Variants in SSX2IP observed in about 807,000 individuals in gnomAD.
The protein encoded by SSX2IP is afadin- and alpha-actinin-binding protein.
SSX2IP carries 55 observed loss-of-function variants against 84.9 expected under a neutral mutation model. The observed-to-expected ratio is 0.65, with a 90% CI of 0.52 to 0.81. The LOEUF (loss-of-function observed/expected upper bound fraction) is 0.81, where lower values mean the gene tolerates loss of function less well. SSX2IP is among the 30% of genes least tolerant of loss of function. The probability of loss-of-function intolerance (pLI) is 0.00; values close to 1 mark genes in which losing one functional copy is unlikely to be tolerated. For synonymous variants in SSX2IP, 239 were observed against 234.7 expected (o/e 1.02, Z -0.17); for missense variants, 664 against 705.2 (o/e 0.94, Z 0.66).
Position 84,656,236 on chromosome 1 carries a change from G to C in SSX2IP, c.1215+112C>G, listed in dbSNP as rs1325476568. 9.6e-6 allele frequency: 11 copies of C among 1,145,880 alleles called. No individual in the cohort carries two copies. In the East Asian group the frequency reaches 2.8e-4, roughly 29 times the overall value. The allele number at this position is 1,145,880 out of a possible 1,614,324, so 71.0% of individuals were successfully genotyped here. On this transcript the variant is annotated intron_variant, in intron 10 of 13. Coordinates refer to ENST00000342203, the MANE Select transcript of SSX2IP (RefSeq NM_001166293.2). Reference sequence around the variant, plus strand: ...ATCTGTTAGCAGGGAACACAGACTAGAAATCTGTCAAATACCAGGGCCTTA... The same window carrying C: ...ATCTGTTAGCAGGGAACACAGACTACAAATCTGTCAAATACCAGGGCCTTA...
intron 1 of SSX2IP, among the ~76,000 whole-genome samples, chr1:84,681,211 C>A (rs1655036759): frequency 6.6e-6 from 1 of 152,074 alleles, no homozygotes; most frequent in South Asian, 2.1e-4. Context: ...TACTTCTAGG[C>A]ATATAAGAGA....
intron 1 of SSX2IP, among the ~76,000 whole-genome samples, chr1:84,671,570 C>T (rs1281764630): frequency 6.6e-6 from 1 of 152,116 alleles, no homozygotes; most frequent in Non-Finnish European, 1.5e-5. Flanking sequence ...CGATTTGACT[C>T]AACATACATC....
In SSX2IP at chr1:84,645,430, T is replaced by C. The variant is rs1384112147; in HGVS notation, c.*2003A>G. On this transcript the variant is annotated 3_prime_UTR_variant, in exon 14 of 14. Coordinates refer to ENST00000342203, the MANE Select transcript of SSX2IP (RefSeq NM_001166293.2). ...TCTGCTGTTTCTTTCACACTTTAGATTTTAAAAGTACGTCTCAAGGAATCT... is the reference window on the plus strand; with the variant it reads ...TCTGCTGTTTCTTTCACACTTTAGACTTTAAAAGTACGTCTCAAGGAATCT... 6.6e-6 allele frequency: 1 copy of C among 152,196 alleles called. No homozygotes were observed. Among genetic ancestry groups the C allele is most frequent in the Non-Finnish European group, 1.5e-5 (1 of 68,026 alleles). The allele number at this position is 152,196 out of a possible 1,614,324, so 9.4% of individuals were successfully genotyped here. A position where few individuals can be genotyped will look rare whatever the true frequency, so the allele number is the denominator to read the frequency against.
chr1:84,683,375 G>A (rs1025864603), intron 1 of SSX2IP, among the ~76,000 whole-genome samples: 2 of 152,008 alleles, frequency 1.3e-5, no homozygotes, highest in African/African-American at 4.8e-5. Flanking sequence ...AACTGGAATG[G>A]GAACTACACA....
chr1:84,674,776 A>C (rs898538686), intron 1 of SSX2IP, among the ~76,000 whole-genome samples: 2 of 152,190 alleles, frequency 1.3e-5, no homozygotes, highest in African/African-American at 2.4e-5. Flanking sequence ...ATGAAACAAA[A>C]AACTTAACTA....
chr1:84,674,663 C>T (rs1376388149), intron 1 of SSX2IP, among the ~76,000 whole-genome samples: 3 of 152,154 alleles, frequency 2.0e-5, no homozygotes, highest in Non-Finnish European at 4.4e-5. Flanking sequence ...GAATTTGGCT[C>T]TCCTGTCTAT....
chr1:84,655,975 T>C lies in SSX2IP; in HGVS notation c.1246A>G (p.Thr416Ala). ...QQLATAYDDD[T>A]TSLLRDCYLL... ...TAACAGTCTCGTAATAGTGAAGTGG[T>C]ATCATCATCATATGCAGTAGCGAGC... The change falls in exon 11 of 14, where the codon ACC becomes GCC. Residue 416 changes from threonine to alanine, a missense_variant. Physicochemically the swap from Thr to Ala is moderately conservative, Grantham distance 58. Coordinates refer to ENST00000342203, the MANE Select transcript of SSX2IP (RefSeq NM_001166293.2). The C allele has an allele frequency of 1.2e-6, 2 of 1,613,452 alleles. No individual in the cohort carries two copies. Among genetic ancestry groups the C allele is most frequent in the East Asian group, 2.2e-5 (1 of 44,872 alleles).
At chr1:84,667,589 CCT>C (rs1349831016) in intron 4 of SSX2IP, among the ~76,000 whole-genome samples, 7 of 152,112 alleles carry the variant, frequency 4.6e-5, no homozygotes, top group Non-Finnish European at 1.0e-4. Flanking sequence ...TCAGTGCTTC[CCT>C]GTTTTTGTAC....
chr1:84,662,414 A>T, intron 7 of SSX2IP, 39 bp from the exon 8 acceptor site: 2 of 1,610,946 alleles, frequency 1.2e-6, no homozygotes, highest in South Asian at 2.2e-5. Context: ...GCAGGATAGA[A>T]GGAAGTCTGA....
Position 84,658,380 on chromosome 1 carries a change from G to A in SSX2IP, c.1016C>T (p.Thr339Ile), listed in dbSNP as rs1376413209. 6.2e-7 allele frequency: 1 copy of A among 1,614,108 alleles called. No homozygotes were observed. ...LSCETVREQL[T>I]NSIRKQWRIL... ...TCTCCACTGTTTTCTGATGCTGTTT[G>A]TAAGCTGCTCTCTCACAGTTTCACA... Residue 339 changes from threonine to isoleucine, a missense_variant, in exon 9 of 14, where the codon ACA (threonine) becomes ATA (isoleucine). Coordinates refer to ENST00000342203, the MANE Select transcript of SSX2IP (RefSeq NM_001166293.2).
intron 1 of SSX2IP, among the ~76,000 whole-genome samples, chr1:84,679,215 C>T (rs1005235844): frequency 6.6e-6 from 1 of 152,106 alleles, no homozygotes; most frequent in African/African-American, 2.4e-5. Context: ...AACTGTAATA[C>T]CACCTTCAAC....
In SSX2IP at chr1:84,645,291, G is replaced by C. The variant is rs1244040514; in HGVS notation, c.*2142C>G. The C allele has an allele frequency of 6.6e-6, 1 of 152,180 alleles. No homozygotes were observed. The highest frequency in any genetic ancestry group is 1.9e-4 in the East Asian group (1 of 5,196). The allele number at this position is 152,180 out of a possible 1,614,324, so 9.4% of individuals were successfully genotyped here. A position where few individuals can be genotyped will look rare whatever the true frequency, so the allele number is the denominator to read the frequency against. ...ATCATTCCAGCATTCTGAGATTAGG[G>C]TGATTGGGGATCATTCTGGAGTTGG... On this transcript the variant is annotated 3_prime_UTR_variant, in exon 14 of 14. Transcript: ENST00000342203.
intron 1 of SSX2IP, among the ~76,000 whole-genome samples, chr1:84,685,988 T>C (rs1209880520): frequency 5.3e-5 from 8 of 152,224 alleles, no homozygotes; most frequent in African/African-American, 1.7e-4. Context: ...ATTTAGGCTC[T>C]ATATACGATT....
chr1:84,658,241 C>G, intron 9 of SSX2IP, 77 bp downstream of exon 9: 1 of 1,547,550 alleles, frequency 6.5e-7, no homozygotes, highest in Admixed American at 1.8e-5. Context: ...GCCTATAATG[C>G]GGCTTTCTAA....
At position 84,662,323 on chromosome 1, in the gene SSX2IP, T is replaced by C; in HGVS notation, c.802A>G (p.Lys268Glu). ...TCTGCATTTTCCATTAGGATTTGTT[T>C]CTGACGATATTCATAATCATTCAAG... The part of the protein sequence containing the change: ...ILLNDYEYRQ[K>E]QILMENAELK... The change falls in exon 8 of 14, where the codon AAA (lysine) becomes GAA (glutamate). Residue 268 changes from lysine to glutamate, a missense_variant. Physicochemically the swap from Lys to Glu is moderately conservative, Grantham distance 56. Coordinates refer to ENST00000342203, the MANE Select transcript of SSX2IP (RefSeq NM_001166293.2). The C allele has an allele frequency of 6.2e-7, 1 of 1,609,292 alleles. No individual in the cohort carries two copies. Among genetic ancestry groups the C allele is most frequent in the Non-Finnish European group, 8.5e-7 (1 of 1,178,084 alleles).
In SSX2IP at chr1:84,655,849, T is replaced by C. The variant is rs746398052; in HGVS notation, c.1372A>G (p.Ile458Val). 9 of 1,613,574 alleles carry C rather than the reference T, an allele frequency of 5.6e-6. No individual in the cohort carries two copies. In the Admixed American group the frequency reaches 8.3e-5, roughly 15 times the overall value. ...TAAAATACCTCCAATCCCAGGCGAA[T>C]AGCGGCTTCTGTAAAGCTTCGTCTC... Reference protein sequence around the residue: ...RERRSFTEAAIRLGLERKAFE... With the variant: ...RERRSFTEAAVRLGLERKAFE... Residue 458 changes from isoleucine (I) to valine (V), a missense_variant, in exon 11 of 14, where the codon ATT becomes GTT. Physicochemically the swap from Ile to Val is conservative, Grantham distance 29. Coordinates refer to ENST00000342203, the MANE Select transcript of SSX2IP (RefSeq NM_001166293.2).
At chr1:84,656,631 C>A in intron 9 of SSX2IP, 147 bp from the exon 10 acceptor site, 1 of 581,120 alleles carries the variant, frequency 1.7e-6, no homozygotes, top group Non-Finnish European at 2.6e-6. Flanking sequence ...CGTCCTTTGA[C>A]TTTTTAAAAT....
chr1:84,672,626 CA>C (rs1316226350), intron 1 of SSX2IP, among the ~76,000 whole-genome samples: 1 of 152,112 alleles, frequency 6.6e-6, no homozygotes, highest in Non-Finnish European at 1.5e-5. Context: ...TGTAATAAGC[CA>C]AATAAAATGT....
chr1:84,650,517 C>T lies in SSX2IP; in HGVS notation c.1515G>A (p.Trp505Ter), dbSNP rs1400654414. 4.3e-6 allele frequency: 7 copies of T among 1,613,866 alleles called. No homozygotes were observed. Among genetic ancestry groups the T allele is most frequent in the Non-Finnish European group, 5.9e-6 (7 of 1,179,998 alleles). ...LFSAFSGSSD[W>*]DNLIVHSRQP... ...GCCTCGAGTGCACTATAAGATTGTC[C>T]CAATCAGAACCTGTTGTAAAACAAG... The change falls in exon 13 of 14, where the codon TGG becomes TGA. Residue 505 changes from tryptophan to a stop codon, truncating the protein, a stop_gained. Coordinates refer to ENST00000342203, the MANE Select transcript of SSX2IP (RefSeq NM_001166293.2). LOFTEE classifies it high-confidence loss of function.
Sources: gnomAD v4.1 joint callset for allele counts (sites outside exome capture counted in the v4.1 genomes callset) on GRCh38, gnomAD v4.1.1 for gene constraint, MANE v1.5 for transcripts, NCBI Gene and HGNC (gene_info 2026-07-23, HGNC 2026-07-21) for gene names.